The following RUBCN variants were observed in gnomAD, a reference collection of about 807,000 sequenced individuals.
The protein encoded by RUBCN is run domain Beclin-1-interacting and cysteine-rich domain-containing protein.
In RUBCN, 74 loss-of-function variants were observed where a neutral mutation model predicts 113.2. The observed-to-expected ratio is 0.65, with a 90% CI of 0.54 to 0.79. The LOEUF (loss-of-function observed/expected upper bound fraction) is 0.79, where lower values mean the gene tolerates loss of function less well. Among genes scored for constraint, RUBCN ranks in the 30% least tolerant of loss-of-function variants. The pLI, the probability that RUBCN is intolerant of heterozygous loss-of-function variation, is 0.00. For synonymous variants in RUBCN, 480 were observed against 490.0 expected, an observed-to-expected ratio of 0.98 and a Z score of 0.27; for missense variants, 1,109 against 1,251.7, an observed-to-expected ratio of 0.89 and a Z score of 1.72.
upstream of RUBCN, among the ~76,000 whole-genome samples, chr3:197,739,677 A>T (rs150773242): frequency 6.6e-6 from 1 of 152,110 alleles, no homozygotes; most frequent in Admixed American, 6.5e-5. Context: ...CCAGCCTGGA[A>T]GACAGAGCTA....
rs1276338552 is a variant in RUBCN, at chr3:197,677,532, C to T, written c.2440G>A (p.Val814Ile). ...KLLNQVRLLR[V>I]QLCHMKNMFK... ...ATGTTCTTCATGTGACACAGCTGGA[C>T]CCGCAGCAGCTGAAAAGAAAGAGAG... The change falls in exon 17 of 20, where the codon GTC (valine) becomes ATC (isoleucine). Residue 814 changes from valine (V) to isoleucine (I), a missense_variant. By Grantham distance (29) the Val-to-Ile change is conservative (BLOSUM62 3). Around this residue, in one of 3 missense-constraint regions of RUBCN, gnomAD observed 306 missense variants for 348.9 expected, o/e 0.88. Coordinates refer to ENST00000296343, the MANE Select transcript of RUBCN (RefSeq NM_014687.4). The T allele has an allele frequency of 3.7e-6, 6 of 1,613,894 alleles. No individual in the cohort carries two copies.
chr3:197,727,026 G>A (rs1048965910), intron 1 of RUBCN, among the ~76,000 whole-genome samples: 6 of 148,010 alleles, frequency 4.1e-5, no homozygotes, highest in South Asian at 4.2e-4. Context: ...TGCAACCTCC[G>A]CCTCCCGGGT....
chr3:197,749,763 G>A (rs977731716), upstream of RUBCN: 15 of 565,116 alleles, frequency 2.7e-5, no homozygotes, highest in Admixed American at 1.0e-4. Context: ...TCCTGCGAGG[G>A]CCGCTAGGAG....
chr3:197,735,372 T>C (rs997560287), intron 1 of RUBCN, among the ~76,000 whole-genome samples: 3 of 152,252 alleles, frequency 2.0e-5, no homozygotes, highest in African/African-American at 7.2e-5. Flanking sequence ...GCGCTCAGCC[T>C]GGGGGACAGG....
At position 197,700,668 on chromosome 3, in the gene RUBCN, C is replaced by A; in HGVS notation, c.1206G>T (p.Lys402Asn). ...GQTLTVTSGA[K>N]KSHIRSHSDT... ...CCGAATGGGAGCGAATGTGGCTTTT[C>A]TTTGCCCCACTGGTGACAGTGAGTG... The change falls in exon 7 of 20, where the codon AAG becomes AAT. Residue 402 changes from lysine (K) to asparagine (N), a missense_variant. Physicochemically the swap from Lys to Asn is moderately conservative, Grantham distance 94. Around this residue, in one of 3 missense-constraint regions of RUBCN, gnomAD observed 736 missense variants for 779.6 expected, o/e 0.94. Transcript: ENST00000296343. The A allele has an allele frequency of 6.2e-7, 1 of 1,614,160 alleles. No homozygotes were observed. The highest frequency in any genetic ancestry group is 8.5e-7 in the Non-Finnish European group (1 of 1,180,026).
At chr3:197,676,331 C>CT (rs139563903) in intron 18 of RUBCN, 3,001 of 885,020 alleles carry the variant, frequency 3.4e-3, no homozygotes, top group Middle Eastern at 4.7e-3. Flanking sequence ...TGACAACTGC[C>CT]TTTTTTTTTT....
rs756046993 is a variant in RUBCN at position 197,681,908 on chromosome 3, G to C, written c.2127-9C>G. The C allele has an allele frequency of 2.5e-6, 4 of 1,612,938 alleles. No individual in the cohort carries two copies. The highest frequency in any genetic ancestry group is 2.5e-6 in the Non-Finnish European group (3 of 1,179,104). On this transcript the variant is annotated splice_polypyrimidine_tract_variant and intron_variant, in intron 14 of 19. Coordinates refer to ENST00000296343, the MANE Select transcript of RUBCN (RefSeq NM_014687.4). The surrounding 1 kb of genome is among the most constrained non-coding windows in gnomAD (Gnocchi z 5.5). ...CCACGGCAATTTTCCTCCTGAGGAA[G>C]GGTAAGGACAGGGCATTGGCACAGA...
At chr3:197,745,897 C>T (rs189845332) in intron 1 of RUBCN, among the ~76,000 whole-genome samples, 291 of 152,056 alleles carry the variant, frequency 1.9e-3, no homozygotes, top group African/African-American at 6.6e-3. Flanking sequence ...ATTAGCTGGG[C>T]GTGGTGCCAT....
intron 16 of RUBCN, among the ~76,000 whole-genome samples, chr3:197,679,005 T>C (rs1243496499): frequency 7.9e-6 from 1 of 125,806 alleles, no homozygotes; most frequent in African/African-American, 3.1e-5. Flanking sequence ...CTCTAACTCG[T>C]CAACTGGCTT....
At chr3:197,688,397 G>A (rs1041452316) in intron 11 of RUBCN, among the ~76,000 whole-genome samples, 1 of 152,130 alleles carries the variant, frequency 6.6e-6, no homozygotes, top group Non-Finnish European at 1.5e-5. Context: ...GAGCCACCAC[G>A]TGAGGCTTCT....
Position 197,695,864 on chromosome 3 carries a change from A to G in RUBCN, c.1473+2T>C. 6.2e-7 allele frequency: 1 copy of G among 1,613,712 alleles called. No homozygotes were observed. The highest frequency in any genetic ancestry group is 8.5e-7 in the Non-Finnish European group (1 of 1,179,770). On this transcript the variant is annotated splice_donor_variant, in intron 9 of 19. Coordinates refer to ENST00000296343, the MANE Select transcript of RUBCN (RefSeq NM_014687.4). LOFTEE classifies it high-confidence loss of function. ...CTCTTCATGAGGCCCTCGATTTCCC[A>G]CCTTTTCCAGGTCGGCACAGCTGCC...
chr3:197,696,873 C>A, intron 8 of RUBCN, 81 bp downstream of exon 8: 1 of 800,372 alleles, frequency 1.2e-6, no homozygotes. Flanking sequence ...CTGAGATGAA[C>A]CCCAAAACTC....
chr3:197,710,101 C>T (rs558947098), intron 2 of RUBCN, among the ~76,000 whole-genome samples: 6 of 151,060 alleles, frequency 4.0e-5, no homozygotes, highest in South Asian at 4.2e-4. Context: ...ACCCAGGAGG[C>T]GGAGGTTGCA....
chr3:197,745,043 T>C (rs548975256), intron 1 of RUBCN, among the ~76,000 whole-genome samples: 1 of 152,054 alleles, frequency 6.6e-6, no homozygotes, highest in Non-Finnish European at 1.5e-5. Context: ...TCCCAGCACT[T>C]TGGGAGGCCG....
At chr3:197,697,325 TTC>T (rs1305939678) in intron 7 of RUBCN, among the ~76,000 whole-genome samples, 1 of 152,264 alleles carries the variant, frequency 6.6e-6, no homozygotes, top group Admixed American at 6.5e-5. Flanking sequence ...TGGAATTTGC[TTC>T]TCTTTCCTTA....
Position 197,694,441 on chromosome 3 carries a change from G to C in RUBCN, c.1618C>G (p.Arg540Gly), listed in dbSNP as rs757792296. 1 of 1,614,050 alleles carries C rather than the reference G, an allele frequency of 6.2e-7. No individual in the cohort carries two copies. Among genetic ancestry groups the C allele is most frequent in the Non-Finnish European group, 8.5e-7 (1 of 1,180,042 alleles). Residue 540 changes from arginine (R) to glycine (G), a missense_variant, in exon 10 of 20, where the codon CGC becomes GGC. Coordinates refer to ENST00000296343, the MANE Select transcript of RUBCN (RefSeq NM_014687.4). ...GTGCGGATTTGCTGGCGCCGAAGGC[G>C]GATCTTCTGCTTCAGCTCCTGGATC... ...REIQELKQKI[R>G]LRRQQIRTKN...
At chr3:197,685,143 T>A (rs1721698814) in intron 11 of RUBCN, among the ~76,000 whole-genome samples, 1 of 152,236 alleles carries the variant, frequency 6.6e-6, no homozygotes, top group Admixed American at 6.5e-5. Flanking sequence ...TTTCTAATAA[T>A]GATATGCTGA....
At position 197,697,004 on chromosome 3, in the gene RUBCN, G is replaced by C; in HGVS notation, c.1307C>G (p.Ser436Cys). ...KAKLRGPLPY[S>C]GQSSEVSTPS... is the part of the protein sequence containing the mutation. ...TGTGCTGACTTCACTGCTTTGACCA[G>C]AGTAGGGCAAAGGGCCTCTCAACTT... is the stretch of plus-strand genomic sequence containing the variant. The change falls in exon 8 of 20, where the codon TCT (serine) becomes TGT (cysteine). Residue 436 changes from serine to cysteine, a missense_variant. By Grantham distance (112) the Ser-to-Cys change is moderately radical (BLOSUM62 -1). Transcript: ENST00000296343. 1 of 1,610,412 alleles carries C rather than the reference G, an allele frequency of 6.2e-7. No homozygotes were observed. Among genetic ancestry groups the C allele is most frequent in the African/African-American group, 1.3e-5 (1 of 74,928 alleles).
chr3:197,722,111 T>G (rs1241320550), intron 1 of RUBCN, among the ~76,000 whole-genome samples: 2 of 151,824 alleles, frequency 1.3e-5, no homozygotes, highest in African/African-American at 4.8e-5. Flanking sequence ...GGTGTGGTGG[T>G]GCGTGCATGT....
Sources: gnomAD v4.1 joint callset for allele counts (sites outside exome capture counted in the v4.1 genomes callset) on GRCh38, gnomAD v4.1.1 for gene constraint, gnomAD v4.1.1 regional missense constraint, Gnocchi (gnomAD v3.1) non-coding constraint, MANE v1.5 for transcripts, NCBI Gene and HGNC (gene_info 2026-07-23, HGNC 2026-07-21) for gene names.